Variants in ARMC9 observed in about 807,000 individuals in gnomAD.
ARMC9 encodes armadillo repeat containing 9.
ARMC9 carries 94 observed loss-of-function variants against 107.0 expected under a neutral mutation model. The observed-to-expected ratio is 0.88, with a 90% CI of 0.74 to 1.04. The LOEUF (loss-of-function observed/expected upper bound fraction) is 1.04. Ranked by LOEUF, ARMC9 falls within the 50% of genes least tolerant of loss-of-function variation. The pLI, the probability that ARMC9 is intolerant of heterozygous loss-of-function variation, is 0.00. For missense variants in ARMC9, 942 were observed against 1,030.1 expected (o/e 0.91, Z 1.17); for synonymous variants, 380 against 396.9 (o/e 0.96, Z 0.51).
chr2:231,230,321 A>G (rs1176224880), intron 7 of ARMC9, among the ~76,000 whole-genome samples: 1 of 152,080 alleles, frequency 6.6e-6, no homozygotes, highest in Non-Finnish European at 1.5e-5. Context: ...GCACCACTGC[A>G]CTAGTCTAGG....
chr2:231,330,838 G>C (rs2043683949), intron 19 of ARMC9, among the ~76,000 whole-genome samples: 2 of 147,944 alleles, frequency 1.4e-5, no homozygotes, highest in African/African-American at 5.3e-5. Flanking sequence ...TTGGCTAAAG[G>C]AAGCAGGCTT....
In ARMC9 at chr2:231,296,194, A is replaced by G. The variant is rs371380549; in HGVS notation, c.1718-4A>G. 15 of 1,609,648 alleles carry G rather than the reference A, an allele frequency of 9.3e-6. No individual in the cohort carries two copies. The African/African-American group carries it at 1.2e-4, about 13-fold the overall frequency. ...TTATTCATTGATTCTTTTTTTCTTT[A>G]TAGAAGAGCTACCAGATGGTGTTCT... is the stretch of plus-strand genomic sequence containing the variant. On this transcript the variant is annotated splice_region_variant and splice_polypyrimidine_tract_variant and intron_variant, in intron 18 of 24. Coordinates refer to ENST00000611582, the MANE Select transcript of ARMC9 (RefSeq NM_001352754.2).
At chr2:231,325,608 C>T (rs557965089) in intron 19 of ARMC9, among the ~76,000 whole-genome samples, 15 of 152,278 alleles carry the variant, frequency 9.9e-5, no homozygotes, top group African/African-American at 3.4e-4. Flanking sequence ...CCCTGCCACT[C>T]ACTCAGACCA....
At chr2:231,310,367 G>A (rs1486354100) in intron 19 of ARMC9, among the ~76,000 whole-genome samples, 3 of 149,936 alleles carry the variant, frequency 2.0e-5, no homozygotes. Flanking sequence ...GCAGTGAGCC[G>A]AGATCGCGCC....
intron 19 of ARMC9, among the ~76,000 whole-genome samples, chr2:231,313,496 A>G (rs1455135930): frequency 6.6e-6 from 1 of 152,212 alleles, no homozygotes; most frequent in Non-Finnish European, 1.5e-5. Flanking sequence ...TTTATATACC[A>G]TAAAATTCAT....
At position 231,272,952 on chromosome 2, in the gene ARMC9, C is replaced by G; in HGVS notation, c.1211-3C>G. 6.2e-7 allele frequency: 1 copy of G among 1,612,392 alleles called. No individual in the cohort carries two copies. The highest frequency in any genetic ancestry group is 8.5e-7 in the Non-Finnish European group (1 of 1,179,476). ...ACCTGTTTCATCTCTGGTGTATTAT[C>G]AGGTCGCCTCTACCTTGCCCAGAAC... On this transcript the variant is annotated splice_polypyrimidine_tract_variant and splice_region_variant and intron_variant, in intron 13 of 24. Transcript: ENST00000611582.
intron 19 of ARMC9, among the ~76,000 whole-genome samples, chr2:231,317,410 A>G (rs187717236): frequency 8.7e-4 from 133 of 152,248 alleles, no homozygotes; most frequent in African/African-American, 3.0e-3. Flanking sequence ...ACCTGAGGCA[A>G]TCCTCCTGCC....
intron 16 of ARMC9, among the ~76,000 whole-genome samples, 176 bp from the exon 17 acceptor site, chr2:231,281,883 A>G (rs112491566): frequency 1.3e-5 from 2 of 152,334 alleles, no homozygotes; most frequent in African/African-American, 4.8e-5. Flanking sequence ...TCACCTGGGC[A>G]TGCAGATGGA....
intron 9 of ARMC9, chr2:231,256,034 A>G (rs896612787): frequency 3.5e-6 from 5 of 1,438,142 alleles, no homozygotes; most frequent in Non-Finnish European, 4.7e-6. Context: ...AGCAAGACTC[A>G]GTCTCAAAAA....
At chr2:231,324,561 G>A (rs1202201465) in intron 19 of ARMC9, among the ~76,000 whole-genome samples, 1 of 151,236 alleles carries the variant, frequency 6.6e-6, no homozygotes, top group Non-Finnish European at 1.5e-5. Flanking sequence ...AGACCAGCCT[G>A]ACCAACATGA....
In ARMC9 at chr2:231,344,983, C is replaced by G. The variant is rs768868523; in HGVS notation, c.1887C>G (p.Thr629=). 2.5e-6 allele frequency: 4 copies of G among 1,613,854 alleles called. No homozygotes were observed. The highest frequency in any genetic ancestry group is 3.4e-6 in the Non-Finnish European group (4 of 1,179,980). ...CTCTTTCCTTCCACCAGATCATGAC[C>G]AACACGGGGAAGACAAGGCGGAAGG... ...LLTTEYLGIM[T]NTGKTRRKGL... Residue 629 remains threonine, a synonymous_variant, in exon 21 of 25, where the codon ACC becomes ACG. Transcript: ENST00000611582.
Position 231,362,685 on chromosome 2 carries a change from C to T in ARMC9, c.2261+1802C>T, listed in dbSNP as rs1241882039. 6.5e-6 allele frequency: 1 copy of T among 152,786 alleles called. No homozygotes were observed. Among genetic ancestry groups the T allele is most frequent in the Non-Finnish European group, 1.5e-5 (1 of 67,996 alleles). 9.5% of individuals were successfully genotyped at this position (152,786 alleles called of 1,614,324 possible). A position where few individuals can be genotyped will look rare whatever the true frequency, so the allele number is the denominator to read the frequency against. On this transcript the variant is annotated intron_variant, in intron 23 of 24. Coordinates refer to ENST00000611582, the MANE Select transcript of ARMC9 (RefSeq NM_001352754.2). The surrounding 1 kb of genome is among the most constrained non-coding windows in gnomAD (Gnocchi z 4.7). ...GTACAAGTTGTTCCATCTTCCTCTT[C>T]CTCCCTCACTGGCAACGTCATCTAG...
chr2:231,321,315 G>A (rs554107978), intron 19 of ARMC9, among the ~76,000 whole-genome samples: 1 of 152,168 alleles, frequency 6.6e-6, no homozygotes, highest in Non-Finnish European at 1.5e-5. Context: ...GGGCTGGCCC[G>A]GATGGAGCGG....
At chr2:231,278,284 G>A (rs185073299) in intron 15 of ARMC9, 98 bp from the exon 16 acceptor site, 1,524 of 1,198,586 alleles carry the variant, frequency 1.3e-3, no homozygotes, top group Admixed American at 3.4e-3. Context: ...TACAGCTCAT[G>A]AGCAGAGGAG....
chr2:231,309,731 G>A (rs980377627), intron 19 of ARMC9, among the ~76,000 whole-genome samples: 1 of 147,660 alleles, frequency 6.8e-6, no homozygotes, highest in Admixed American at 6.7e-5. Context: ...TTTTTTTTTT[G>A]CAAAATCTAA....
chr2:231,262,798 G>C (rs2038497453), intron 12 of ARMC9, among the ~76,000 whole-genome samples: 1 of 152,166 alleles, frequency 6.6e-6, no homozygotes. Context: ...TTTTGGGCCA[G>C]ATAGGTCTAC....
rs552632758 is a variant in ARMC9, at chr2:231,370,282, C to G, written c.2434+157C>G. Among the ~76,000 whole-genome samples the G allele has an allele frequency of 6.0e-4, 92 of 152,224 alleles. 1 individual carries two copies. Among genetic ancestry groups the G allele is most frequent in the Non-Finnish European group, 4.7e-4 (32 of 68,036 alleles). On this transcript the variant is annotated intron_variant, in intron 24 of 24. Coordinates refer to ENST00000611582, the MANE Select transcript of ARMC9 (RefSeq NM_001352754.2). ...CTTCCCTTCCCCACACAACCAGGCC[C>G]CAGCAGGTGGCTTCCTTTCCTCCAG...
At chr2:231,291,895 G>T (rs753342125) in intron 18 of ARMC9, among the ~76,000 whole-genome samples, 1 of 151,768 alleles carries the variant, frequency 6.6e-6, no homozygotes, top group African/African-American at 2.4e-5. Flanking sequence ...TAGGCTGAGC[G>T]TGGTGGTTCA....
rs2045439488 is a variant in ARMC9 at position 231,358,631 on chromosome 2, G to A, written c.2132-2123G>A. Among the ~76,000 whole-genome samples, 1 of 152,178 alleles carries A rather than the reference G, an allele frequency of 6.6e-6. No homozygotes were observed. The highest frequency in any genetic ancestry group is 2.1e-4 in the South Asian group (1 of 4,836). On this transcript the variant is annotated intron_variant, in intron 22 of 24. Coordinates refer to ENST00000611582, the MANE Select transcript of ARMC9 (RefSeq NM_001352754.2). The surrounding 1 kb of genome is among the most constrained non-coding windows in gnomAD (Gnocchi z 4.5). Reference sequence around the variant, plus strand: ...TAACGCCCCACCCAGAGACCCCGTGGAAACCCCCACCTTCACGCTGAGTTT... The same window carrying A: ...TAACGCCCCACCCAGAGACCCCGTGAAAACCCCCACCTTCACGCTGAGTTT...
Sources: gnomAD v4.1 joint callset for allele counts (sites outside exome capture counted in the v4.1 genomes callset) on GRCh38, gnomAD v4.1.1 for gene constraint, Gnocchi (gnomAD v3.1) non-coding constraint, MANE v1.5 for transcripts, NCBI Gene and HGNC (gene_info 2026-07-23, HGNC 2026-07-21) for gene names.